The following EEFSEC variants were observed in gnomAD, a reference collection of about 807,000 sequenced individuals.
The protein encoded by EEFSEC is selenocysteine-specific elongation factor.
EEFSEC carries 43 observed loss-of-function variants against 42.1 expected under a neutral mutation model. The observed-to-expected ratio is 1.02, with a 90% CI of 0.80 to 1.32. The LOEUF (loss-of-function observed/expected upper bound fraction) is 1.32, where lower values mean the gene tolerates loss of function less well. EEFSEC is among the 40% of genes most tolerant of loss of function. EEFSEC has a pLI of 0.00. For missense variants in EEFSEC, 745 were observed against 803.6 expected (o/e 0.93, Z 0.88); for synonymous variants, 354 against 339.1 (o/e 1.04, Z -0.48).
intron 4 of EEFSEC, among the ~76,000 whole-genome samples, chr3:128,298,903 TC>T (rs2107999427): frequency 6.6e-6 from 1 of 152,360 alleles, no homozygotes; most frequent in African/African-American, 2.4e-5. Flanking sequence ...AAGATTTCAT[TC>T]TTTTTTATGG....
intron 1 of EEFSEC, among the ~76,000 whole-genome samples, chr3:128,154,603 C>G (rs1363978667): frequency 6.6e-6 from 1 of 152,130 alleles, no homozygotes; most frequent in African/African-American, 2.4e-5. Context: ...GCGCGCGCCA[C>G]CACGCCCGGC....
At chr3:128,313,928 A>C (rs1263750798) in intron 4 of EEFSEC, among the ~76,000 whole-genome samples, 1 of 152,126 alleles carries the variant, frequency 6.6e-6, no homozygotes, top group Non-Finnish European at 1.5e-5. Flanking sequence ...TTCTGGTGAT[A>C]ACCTCTGCAT....
rs117279918 is a variant in EEFSEC, at chr3:128,275,692, G to T, written c.786+10911G>T. Among the ~76,000 whole-genome samples, 28 of 152,356 alleles carry T rather than the reference G, an allele frequency of 1.8e-4. No individual in the cohort carries two copies. The East Asian group carries it at 5.2e-3, about 28-fold the overall frequency. On this transcript the variant is annotated intron_variant, in intron 4 of 6. Transcript: ENST00000254730. ...AGCTGAGTCTCAGAGAAGGCAGAGG[G>T]CTTTGCCCAGGCATTCTGAGCAGAA...
chr3:128,183,940 G>T (rs548921215), intron 1 of EEFSEC, among the ~76,000 whole-genome samples: 245 of 152,232 alleles, frequency 1.6e-3, no homozygotes, highest in African/African-American at 5.3e-3. Context: ...TTTTTGCATT[G>T]CCTGAGAGGA....
At chr3:128,226,526 G>A (rs1032598992) in intron 1 of EEFSEC, among the ~76,000 whole-genome samples, 1 of 152,196 alleles carries the variant, frequency 6.6e-6, no homozygotes, top group African/African-American at 2.4e-5. Context: ...GGCAGCTGGG[G>A]CTTCCGTAGC....
chr3:128,394,341 C>T (rs567433701), intron 6 of EEFSEC, among the ~76,000 whole-genome samples: 1 of 152,356 alleles, frequency 6.6e-6, no homozygotes, highest in South Asian at 2.1e-4. Context: ...TCTCGCTCTG[C>T]TCTGGGAACA....
chr3:128,260,351 A>G (rs2107925221), intron 2 of EEFSEC, among the ~76,000 whole-genome samples: 1 of 152,296 alleles, frequency 6.6e-6, no homozygotes, highest in Non-Finnish European at 1.5e-5. Context: ...AGTTTATCCT[A>G]TTTAGAGTTT....
chr3:128,294,057 C>G (rs373969361), intron 4 of EEFSEC, among the ~76,000 whole-genome samples: 4 of 152,210 alleles, frequency 2.6e-5, no homozygotes, highest in East Asian at 3.8e-4. Flanking sequence ...TCTGCTGTGC[C>G]CTTGGCCCCT....
At chr3:128,295,537 T>A (rs904897254) in intron 4 of EEFSEC, among the ~76,000 whole-genome samples, 2 of 142,606 alleles carry the variant, frequency 1.4e-5, no homozygotes, top group Admixed American at 1.5e-4. Context: ...CATAATTCAT[T>A]GCCATTGGTT....
chr3:128,247,092 G>T, intron 2 of EEFSEC, 49 bp downstream of exon 2: 1 of 1,579,354 alleles, frequency 6.3e-7, no homozygotes, highest in Non-Finnish European at 8.7e-7. Context: ...AGGCTTCTGG[G>T]GCCTCCCATG....
At chr3:128,166,526 G>A (rs1246152419) in intron 1 of EEFSEC, among the ~76,000 whole-genome samples, 1 of 152,172 alleles carries the variant, frequency 6.6e-6, no homozygotes, top group Non-Finnish European at 1.5e-5. Context: ...TGGATGGACT[G>A]AGGAATGACT....
chr3:128,280,825 C>T (rs918395731), intron 4 of EEFSEC, among the ~76,000 whole-genome samples: 3 of 152,336 alleles, frequency 2.0e-5, no homozygotes, highest in Admixed American at 6.5e-5. Context: ...TGTTTCTGCT[C>T]ATTTCTCTGA....
chr3:128,425,093 G>A, the EEFSEC span, among the ~76,000 whole-genome samples: 2 of 152,144 alleles, frequency 1.3e-5, no homozygotes, highest in African/African-American at 4.8e-5. Context: ...AGCTCTGTGC[G>A]TTTTGAAAAA....
In EEFSEC at chr3:128,377,068, A is replaced by AAT. The variant is rs146532987; in HGVS notation, c.1600+18697_1600+18698dup. Among the ~76,000 whole-genome samples, 876 of 152,316 alleles carry AAT rather than the reference A, an allele frequency of 5.8e-3. 6 individuals are homozygous for AAT. The highest frequency in any genetic ancestry group is 0.02 in the African/African-American group (833 of 41,558). On this transcript the variant is annotated intron_variant, in intron 6 of 6. Transcript: ENST00000254730. Reference sequence around the variant, plus strand: ...TGTTTTTTTAATAACCTAGAAGTATAATAGTAATAGTCATTCAAGGAGATT... The same window carrying AAT: ...TGTTTTTTTAATAACCTAGAAGTATAATATAGTAATAGTCATTCAAGGAGATT...
At chr3:128,371,524 C>T (rs1167946797) in intron 6 of EEFSEC, among the ~76,000 whole-genome samples, 2 of 152,206 alleles carry the variant, frequency 1.3e-5, no homozygotes, top group Non-Finnish European at 2.9e-5. Context: ...CTGGTCTAAG[C>T]AAGTGGCAGA....
intron 2 of EEFSEC, among the ~76,000 whole-genome samples, chr3:128,259,665 A>G (rs1488687908): frequency 6.6e-6 from 1 of 152,198 alleles, no homozygotes; most frequent in Non-Finnish European, 1.5e-5. Context: ...TCTGTGCGCC[A>G]CCAGCCTGGG....
At chr3:128,237,054 G>A (rs774215408) in intron 1 of EEFSEC, among the ~76,000 whole-genome samples, 10 of 152,214 alleles carry the variant, frequency 6.6e-5, no homozygotes, top group Non-Finnish European at 5.9e-5. Context: ...AACGTGCTGC[G>A]TGTGAACTAG....
At chr3:128,249,600 C>T (rs2066163138) in intron 2 of EEFSEC, among the ~76,000 whole-genome samples, 2 of 152,180 alleles carry the variant, frequency 1.3e-5, no homozygotes, top group South Asian at 2.1e-4. Flanking sequence ...TTTCTCCCTT[C>T]CTCCCACCCT....
At chr3:128,211,796 G>A (rs1022892318) in intron 1 of EEFSEC, among the ~76,000 whole-genome samples, 40 of 149,488 alleles carry the variant, frequency 2.7e-4, no homozygotes, top group African/African-American at 7.7e-4. Context: ...GATTACAGGC[G>A]TGAGCCACCA....
Sources: allele counts gnomAD v4.1 joint callset (sites outside exome capture counted in the v4.1 genomes callset), GRCh38; gene constraint gnomAD v4.1.1; transcripts MANE v1.5; gene names NCBI Gene and HGNC (gene_info 2026-07-23, HGNC 2026-07-21).